The following UNC5D variants were observed in gnomAD, a reference collection of about 807,000 sequenced individuals.
UNC5D encodes netrin receptor UNC5D.
A neutral mutation model predicts 105.4 loss-of-function variants in UNC5D; 39 were observed. The ratio of observed to expected loss-of-function variants is 0.37; its 90% CI spans 0.29 to 0.48. The LOEUF (loss-of-function observed/expected upper bound fraction) is 0.48. Ranked by LOEUF, UNC5D falls within the 20% of genes least tolerant of loss-of-function variation. UNC5D has a pLI of 0.98. For synonymous variants in UNC5D, 452 were observed against 450.4 expected (o/e 1.00, Z -0.04); for missense variants, 991 against 1,202.4 (o/e 0.82, Z 2.60).
At chr8:35,368,370 C>A (rs1482839859) in intron 1 of UNC5D, among the ~76,000 whole-genome samples, 1 of 152,114 alleles carries the variant, frequency 6.6e-6, no homozygotes, top group African/African-American at 2.4e-5. Flanking sequence ...CCCACACACA[C>A]ACAGATACTT....
At chr8:35,614,910 G>A (rs938228591) in intron 4 of UNC5D, among the ~76,000 whole-genome samples, 6 of 151,852 alleles carry the variant, frequency 4.0e-5, no homozygotes, top group Admixed American at 1.3e-4. Flanking sequence ...AAGCATGGAC[G>A]TTAGAATTAC....
intron 8 of UNC5D, among the ~76,000 whole-genome samples, chr8:35,708,726 C>A (rs995279173): frequency 6.6e-6 from 1 of 152,106 alleles, no homozygotes; most frequent in African/African-American, 2.4e-5. Flanking sequence ...TGACTCAATA[C>A]TATACAGTCT....
intron 4 of UNC5D, among the ~76,000 whole-genome samples, chr8:35,676,825 A>G (rs1047889763): frequency 6.6e-6 from 1 of 152,086 alleles, no homozygotes; most frequent in Non-Finnish European, 1.5e-5. Flanking sequence ...TTGTGATAAC[A>G]TTCACCAGGG....
chr8:35,544,485 G>C, intron 1 of UNC5D: 3 of 1,613,668 alleles, frequency 1.9e-6, no homozygotes, highest in South Asian at 1.1e-5. Flanking sequence ...AGTGATGTCT[G>C]TGCTGGGACT....
At chr8:35,544,640 T>C in intron 1 of UNC5D, 4 of 1,378,938 alleles carry the variant, frequency 2.9e-6, no homozygotes, top group East Asian at 5.2e-5. Context: ...TCTCAGTCTT[T>C]CACTCAGGCT....
intron 7 of UNC5D, among the ~76,000 whole-genome samples, chr8:35,705,476 G>A (rs187391742): frequency 6.6e-6 from 1 of 152,288 alleles, no homozygotes; most frequent in Admixed American, 6.5e-5. Flanking sequence ...CAGAGTTGGG[G>A]ACTTTTTATC....
chr8:35,732,874 AAG>A (rs1829272061), intron 11 of UNC5D, among the ~76,000 whole-genome samples: 1 of 152,150 alleles, frequency 6.6e-6, no homozygotes. Flanking sequence ...ATTTTAAAGT[AAG>A]AGAGAGGAAC....
At chr8:35,500,333 A>G (rs954331483) in intron 1 of UNC5D, among the ~76,000 whole-genome samples, 4 of 152,034 alleles carry the variant, frequency 2.6e-5, no homozygotes, top group Non-Finnish European at 4.4e-5. Flanking sequence ...TAGTAAAGCC[A>G]CTCCCATGAT....
At chr8:35,675,775 T>A (rs898859105) in intron 4 of UNC5D, among the ~76,000 whole-genome samples, 2 of 152,054 alleles carry the variant, frequency 1.3e-5, no homozygotes, top group African/African-American at 4.8e-5. Context: ...GTTTTGTTTT[T>A]TCCATTTCTA....
intron 1 of UNC5D, among the ~76,000 whole-genome samples, chr8:35,285,529 T>C (rs1478607783): frequency 6.6e-6 from 1 of 152,242 alleles, no homozygotes; most frequent in Non-Finnish European, 1.5e-5. Flanking sequence ...GCTTTCTGGG[T>C]AGCATTTAAT....
chr8:35,497,019 T>C (rs1811646013), intron 1 of UNC5D, among the ~76,000 whole-genome samples: 1 of 152,180 alleles, frequency 6.6e-6, no homozygotes, highest in Non-Finnish European at 1.5e-5. Context: ...AGCATACATA[T>C]TTATTTAATA....
chr8:35,789,668 T>C (rs1586651136), intron 16 of UNC5D, among the ~76,000 whole-genome samples: 1 of 151,956 alleles, frequency 6.6e-6, no homozygotes, highest in South Asian at 2.1e-4. Flanking sequence ...AACTTAAAGA[T>C]TGGAGGTATA....
At chr8:35,584,681 C>A (rs746213551) in intron 3 of UNC5D, among the ~76,000 whole-genome samples, 2 of 151,842 alleles carry the variant, frequency 1.3e-5, no homozygotes, top group Non-Finnish European at 2.9e-5. Context: ...AAACTCCTGG[C>A]CTGAAGAGAT....
In UNC5D at chr8:35,259,447, A is replaced by G. The variant is rs756447159; in HGVS notation, c.103+23560A>G. Among the ~76,000 whole-genome samples, 24 of 152,176 alleles carry G rather than the reference A, an allele frequency of 1.6e-4. 1 individual carries two copies. The highest frequency in any genetic ancestry group is 1.4e-3 in the Admixed American group (22 of 15,266). On this transcript the variant is annotated intron_variant, in intron 1 of 16. Transcript: ENST00000404895. Reference sequence around the variant, plus strand: ...ATTGGTTCCATCAGAAGTAGACGCCATGCAGATTTGAGCTGAGGCTGCTGC... The same window carrying G: ...ATTGGTTCCATCAGAAGTAGACGCCGTGCAGATTTGAGCTGAGGCTGCTGC...
chr8:35,738,683 A>G lies in UNC5D; in HGVS notation c.1766+7587A>G, dbSNP rs1829599752. Among the ~76,000 whole-genome samples the G allele has an allele frequency of 3.3e-5, 5 of 152,218 alleles. No individual in the cohort carries two copies. The South Asian group carries it at 1.0e-3, about 31-fold the overall frequency. ...GTGATTTATACTTTAAAGGTACATC[A>G]TATTAGTCTAAACAGTAGACTGTAT... On this transcript the variant is annotated intron_variant, in intron 11 of 16. Coordinates refer to ENST00000404895, the MANE Select transcript of UNC5D (RefSeq NM_080872.4).
At chr8:35,261,013 TTCTG>T (rs947459967) in intron 1 of UNC5D, among the ~76,000 whole-genome samples, 3 of 152,246 alleles carry the variant, frequency 2.0e-5, no homozygotes, top group Admixed American at 1.3e-4. Flanking sequence ...TAATTTCCCT[TTCTG>T]TCTATTTTTT....
intron 1 of UNC5D, among the ~76,000 whole-genome samples, chr8:35,352,891 G>T (rs987195689): frequency 1.3e-5 from 2 of 152,130 alleles, no homozygotes; most frequent in Non-Finnish European, 2.9e-5. Flanking sequence ...GCAATTACAG[G>T]CGTGAGCCAC....
intron 1 of UNC5D, among the ~76,000 whole-genome samples, chr8:35,420,702 T>C (rs1399894942): frequency 2.6e-5 from 4 of 151,578 alleles, no homozygotes; most frequent in Non-Finnish European, 5.9e-5. Flanking sequence ...GGAAAAATCA[T>C]ACTGATGCCT....
At chr8:35,389,919 A>AGAGAATTGTATTAGTCCATTCTT (rs1443451979) in intron 1 of UNC5D, among the ~76,000 whole-genome samples, 1 of 152,218 alleles carries the variant, frequency 6.6e-6, no homozygotes, top group Non-Finnish European at 1.5e-5. Context: ...CCACCTGTTA[A>AGAGAATTGTATTAGTCCATTCTT]GAGAATTGTA....
Sources: allele counts gnomAD v4.1 joint callset (sites outside exome capture counted in the v4.1 genomes callset), GRCh38; gene constraint gnomAD v4.1.1; transcripts MANE v1.5; gene names NCBI Gene and HGNC (gene_info 2026-07-23, HGNC 2026-07-21).